Variants in TIMP2 observed in about 807,000 individuals in gnomAD.
TIMP2 encodes TIMP metallopeptidase inhibitor 2.
Under a neutral mutation model 24.3 loss-of-function variants are expected in TIMP2, and 5 were observed. That is an observed-to-expected ratio of 0.21 (90% CI 0.11 to 0.43). TIMP2 has a LOEUF of 0.43. Ranked by LOEUF, TIMP2 falls within the 20% of genes least tolerant of loss-of-function variation. The probability of loss-of-function intolerance (pLI) is 1.00; values close to 1 mark genes in which losing one functional copy is unlikely to be tolerated. For synonymous variants in TIMP2, 130 were observed against 123.2 expected (o/e 1.06, Z -0.37); for missense variants, 221 against 297.5 (o/e 0.74, Z 1.89).
intron 1 of TIMP2, chr17:78,897,643 C>CG (rs1471351688): frequency 6.6e-6 from 1 of 152,328 alleles, no homozygotes; most frequent in Non-Finnish European, 1.5e-5. Context: ...AGGACCCCCC[C>CG]GAACAGACAC....
Position 78,896,831 on chromosome 17 carries a change from G to A in TIMP2, c.131-22912C>T, listed in dbSNP as rs2070008923. 3 of 694,838 alleles carry A rather than the reference G, an allele frequency of 4.3e-6. No homozygotes were observed. Among genetic ancestry groups the A allele is most frequent in the South Asian group, 6.4e-5 (1 of 15,604 alleles). 43.0% of individuals were successfully genotyped at this position (694,838 alleles called of 1,614,324 possible). ...CTCCTCTCTTGCTCTCTACAGCCCC[G>A]TGGCCCCAGCGCAGGAGCCAGCCCA... On this transcript the variant is annotated intron_variant, in intron 1 of 4. Coordinates refer to ENST00000262768, the MANE Select transcript of TIMP2 (RefSeq NM_003255.5). The surrounding 1 kb of genome is among the most constrained non-coding windows in gnomAD (Gnocchi z 4.4).
chr17:78,873,710 T>C lies in TIMP2; in HGVS notation c.231+109A>G, dbSNP rs894551448. 64 of 803,890 alleles carry C rather than the reference T, an allele frequency of 8.0e-5. No homozygotes were observed. The African/African-American group carries it at 1.0e-3, about 13-fold the overall frequency. 49.8% of individuals were successfully genotyped at this position (803,890 alleles called of 1,614,324 possible). The stretch of plus-strand genomic sequence containing the variant: ...AGCTTGATGACCTCATCCTCTGCTC[T>C]AGTCCACAGGTGGCCAGATCGTGTT... On this transcript the variant is annotated intron_variant, in intron 2 of 4. Transcript: ENST00000262768.
chr17:78,909,689 G>C (rs979245741), intron 1 of TIMP2, among the ~76,000 whole-genome samples: 1 of 152,108 alleles, frequency 6.6e-6, no homozygotes, highest in Non-Finnish European at 1.5e-5. Context: ...CGTAAGGCTC[G>C]GGTCTCATCG....
At chr17:78,919,696 A>G (rs906591132) in intron 1 of TIMP2, among the ~76,000 whole-genome samples, 28 of 152,238 alleles carry the variant, frequency 1.8e-4, no homozygotes, top group East Asian at 5.8e-4. Flanking sequence ...TTAGCCGGGC[A>G]TGGTGGCGGG....
At chr17:78,866,915 G>C (rs1431141533) in intron 3 of TIMP2, among the ~76,000 whole-genome samples, 5 of 152,086 alleles carry the variant, frequency 3.3e-5, no homozygotes, top group African/African-American at 7.2e-5. Flanking sequence ...AAGAATACAG[G>C]ATTTCTTTTT....
chr17:78,890,587 C>T, intron 1 of TIMP2: 1 of 1,510,028 alleles, frequency 6.6e-7, no homozygotes, highest in Non-Finnish European at 8.9e-7. Flanking sequence ...GGTACCAGTG[C>T]TGGCAGCACC....
At position 78,902,506 on chromosome 17, in the gene TIMP2, C is replaced by T. The variant is rs552639701; in HGVS notation, c.130+22453G>A. Among the ~76,000 whole-genome samples the T allele has an allele frequency of 1.3e-4, 20 of 152,300 alleles. 1 individual carries two copies. In the South Asian group the frequency reaches 3.5e-3, roughly 27 times the overall value. The stretch of plus-strand genomic sequence containing the variant: ...TAGGCCCACAGCAGGCTTTTCCACC[C>T]GAATACTGGGGCCACAGCTCATGAA... On this transcript the variant is annotated intron_variant, in intron 1 of 4. Coordinates refer to ENST00000262768, the MANE Select transcript of TIMP2 (RefSeq NM_003255.5).
At chr17:78,875,474 G>A (rs1324899444) in intron 1 of TIMP2, among the ~76,000 whole-genome samples, 1 of 152,164 alleles carries the variant, frequency 6.6e-6, no homozygotes, top group African/African-American at 2.4e-5. Context: ...TCCACTCCTG[G>A]TAACCTGAGG....
intron 1 of TIMP2, among the ~76,000 whole-genome samples, chr17:78,906,015 G>C (rs550064145): frequency 7.2e-4 from 110 of 152,258 alleles, no homozygotes; most frequent in African/African-American, 2.5e-3. Flanking sequence ...TGTTTACATT[G>C]TACAGTAGCC....
At chr17:78,878,235 G>C (rs2069746041) in intron 1 of TIMP2, among the ~76,000 whole-genome samples, 1 of 152,198 alleles carries the variant, frequency 6.6e-6, no homozygotes, top group Admixed American at 6.5e-5. Context: ...AAGAGACAGA[G>C]ATCCTGCATT....
rs1463065659 is a variant in TIMP2 at position 78,853,583 on chromosome 17, G to A, written c.*2084C>T. ...AACTGGAGAACCAAAGACGGGAGACGAATGAAAGCAAAGATGCTCAAAGAA... is the reference window on the plus strand; with the variant it reads ...AACTGGAGAACCAAAGACGGGAGACAAATGAAAGCAAAGATGCTCAAAGAA... On this transcript the variant is annotated 3_prime_UTR_variant, in exon 5 of 5. Transcript: ENST00000262768. 1 of 152,516 alleles carries A rather than the reference G, an allele frequency of 6.6e-6. No individual in the cohort carries two copies. The highest frequency in any genetic ancestry group is 2.4e-5 in the African/African-American group (1 of 41,432). 9.4% of individuals were successfully genotyped at this position (152,516 alleles called of 1,614,324 possible).
In TIMP2 at chr17:78,854,411, C is replaced by T. The variant is rs2069507774; in HGVS notation, c.*1256G>A. ...GGTAATCTTTGTCATTTAAGAAATACAAGCAGAAGTTGGTATATCTGCAAC... is the reference window on the plus strand; with the variant it reads ...GGTAATCTTTGTCATTTAAGAAATATAAGCAGAAGTTGGTATATCTGCAAC... On this transcript the variant is annotated 3_prime_UTR_variant, in exon 5 of 5. Coordinates refer to ENST00000262768, the MANE Select transcript of TIMP2 (RefSeq NM_003255.5). The T allele has an allele frequency of 6.6e-6, 1 of 151,642 alleles. No individual in the cohort carries two copies. The allele number at this position is 151,642 out of a possible 1,614,324, so 9.4% of individuals were successfully genotyped here.
At chr17:78,918,092 A>G (rs1283843688) in intron 1 of TIMP2, among the ~76,000 whole-genome samples, 1 of 151,062 alleles carries the variant, frequency 6.6e-6, no homozygotes, top group African/African-American at 2.5e-5. Context: ...ACACACACAC[A>G]CACACACAAC....
At chr17:78,857,669 G>C (rs1049372279) in intron 3 of TIMP2, 23 bp from the exon 4 acceptor site, 1 of 1,613,636 alleles carries the variant, frequency 6.2e-7, no homozygotes, top group Non-Finnish European at 8.5e-7. Context: ...GGGGATCACC[G>C]AGCTCAGGGA....
intron 1 of TIMP2, among the ~76,000 whole-genome samples, chr17:78,877,870 A>C (rs1567995610): frequency 6.6e-6 from 1 of 151,618 alleles, no homozygotes; most frequent in African/African-American, 2.4e-5. Context: ...TGCCCGGCTA[A>C]TTTTTTGTAT....
chr17:78,913,577 G>A (rs977048727), intron 1 of TIMP2, among the ~76,000 whole-genome samples: 1 of 152,076 alleles, frequency 6.6e-6, no homozygotes, highest in African/African-American at 2.4e-5. Context: ...TGGGTGTGCT[G>A]GTATGGTCCC....
At position 78,855,875 on chromosome 17, in the gene TIMP2, G is replaced by A. The variant is rs1369704491; in HGVS notation, c.466-11C>T. 1 of 1,613,488 alleles carries A rather than the reference G, an allele frequency of 6.2e-7. No individual in the cohort carries two copies. The highest frequency in any genetic ancestry group is 1.1e-5 in the South Asian group (1 of 91,084). ...GGGGCAGCGCGTGATCTGGGGAGGGGCACACGGAGGGGGACGGAGTCAGGG... is the reference window on the plus strand; with the variant it reads ...GGGGCAGCGCGTGATCTGGGGAGGGACACACGGAGGGGGACGGAGTCAGGG... On this transcript the variant is annotated splice_polypyrimidine_tract_variant and intron_variant, in intron 4 of 4. Coordinates refer to ENST00000262768, the MANE Select transcript of TIMP2 (RefSeq NM_003255.5). This position sits in a 1 kb window ranked among gnomAD's most constrained non-coding sequence, Gnocchi z 6.0.
At chr17:78,858,465 G>GA (rs1221973800) in intron 3 of TIMP2, among the ~76,000 whole-genome samples, 1 of 151,406 alleles carries the variant, frequency 6.6e-6, no homozygotes, top group Non-Finnish European at 1.5e-5. Context: ...AAAAAGAAAA[G>GA]AAAAAAATTC....
intron 1 of TIMP2, among the ~76,000 whole-genome samples, chr17:78,917,208 C>T (rs559141834): frequency 5.4e-5 from 8 of 149,122 alleles, no homozygotes; most frequent in African/African-American, 7.5e-5. Context: ...GCCGAGATCC[C>T]GCCACTGCAC....
Sources: allele counts gnomAD v4.1 joint callset (sites outside exome capture counted in the v4.1 genomes callset), GRCh38; gene constraint gnomAD v4.1.1; non-coding constraint Gnocchi (gnomAD v3.1); transcripts MANE v1.5; gene names NCBI Gene and HGNC (gene_info 2026-07-23, HGNC 2026-07-21).